The following IFIH1 variants were observed in gnomAD, a reference collection of about 807,000 sequenced individuals.
IFIH1 encodes interferon-induced helicase C domain-containing protein 1.
A neutral mutation model predicts 107.4 loss-of-function variants in IFIH1; 125 were observed. That is an observed-to-expected ratio of 1.16 (90% CI 1.01 to 1.35). The LOEUF is 1.35. Ranked by LOEUF, IFIH1 falls within the 40% of genes most tolerant of loss-of-function variation. The pLI is 0.00. For missense variants in IFIH1, 1,333 were observed against 1,213.7 expected (o/e 1.10, Z -1.46); for synonymous variants, 458 against 413.2 (o/e 1.11, Z -1.31).
At chr2:162,269,716 AG>A (rs1690997637) in intron 13 of IFIH1, among the ~76,000 whole-genome samples, 1 of 152,214 alleles carries the variant, frequency 6.6e-6, no homozygotes, top group Non-Finnish European at 1.5e-5. Flanking sequence ...TTTCAGTAAA[AG>A]TAAGTCATCA....
chr2:162,307,846 CACAATATAAATACTTT>C (rs1410190732), intron 2 of IFIH1, among the ~76,000 whole-genome samples: 1 of 152,110 alleles, frequency 6.6e-6, no homozygotes, highest in African/African-American at 2.4e-5. Flanking sequence ...ATTTTGCACT[CACAATATAAATACTTT>C]ACATACATTA....
At chr2:162,268,963 G>A (rs931119875) in intron 13 of IFIH1, among the ~76,000 whole-genome samples, 8 of 144,034 alleles carry the variant, frequency 5.6e-5, no homozygotes, top group Non-Finnish European at 8.8e-5. Context: ...ACTAAACACT[G>A]TTATTACATT....
At chr2:162,308,381 C>CTT (rs1009566916) in intron 2 of IFIH1, among the ~76,000 whole-genome samples, 26 of 141,754 alleles carry the variant, frequency 1.8e-4, no homozygotes, top group Non-Finnish European at 3.1e-4. Context: ...TTCATTTAAT[C>CTT]TTTTTTTTTT....
chr2:162,290,470 C>G (rs1682977765), intron 4 of IFIH1, among the ~76,000 whole-genome samples: 1 of 151,840 alleles, frequency 6.6e-6, no homozygotes, highest in Admixed American at 6.6e-5. Flanking sequence ...GTTAAAAGGA[C>G]TATTGTGTTT....
At chr2:162,306,312 T>A (rs1683279583) in intron 3 of IFIH1, among the ~76,000 whole-genome samples, 1 of 152,186 alleles carries the variant, frequency 6.6e-6, no homozygotes, top group Non-Finnish European at 1.5e-5. Context: ...TGAACCTCTC[T>A]GAGCCATCCC....
intron 3 of IFIH1, among the ~76,000 whole-genome samples, chr2:162,299,534 C>A (rs528718931): frequency 3.9e-5 from 6 of 152,198 alleles, no homozygotes; most frequent in African/African-American, 1.4e-4. Flanking sequence ...CAATTTCCAG[C>A]ATGATGTCCT....
rs1244444972 is a variant in IFIH1, at chr2:162,306,581, A to T, written c.769+128T>A. On this transcript the variant is annotated intron_variant, in intron 3 of 15. Coordinates refer to ENST00000649979, the MANE Select transcript of IFIH1 (RefSeq NM_022168.4). ...TTTTAATTTAATCTCCTCTAAAAAT[A>T]TTATTTTAATATAAATGTTTACTAA... The T allele has an allele frequency of 5.1e-6, 3 of 584,318 alleles. No homozygotes were observed. In the East Asian group the frequency reaches 9.0e-5, roughly 17 times the overall value. 36.2% of individuals were successfully genotyped at this position (584,318 alleles called of 1,614,324 possible). A position where few individuals can be genotyped will look rare whatever the true frequency, so the allele number is the denominator to read the frequency against.
At chr2:162,299,519 G>A (rs191852893) in intron 3 of IFIH1, among the ~76,000 whole-genome samples, 2 of 152,190 alleles carry the variant, frequency 1.3e-5, no homozygotes. Context: ...TATTCACACC[G>A]TGGCCAATTT....
At chr2:162,276,658 AAAG>A (rs1158378063) in intron 11 of IFIH1, 26 bp downstream of exon 11, 2 of 1,576,460 alleles carry the variant, frequency 1.3e-6, no homozygotes, top group African/African-American at 2.7e-5. Context: ...AAAGAAAAGA[AAAG>A]AAGTCGTCCA....
At chr2:162,292,925 A>T (rs1683021764) in intron 4 of IFIH1, among the ~76,000 whole-genome samples, 1 of 145,394 alleles carries the variant, frequency 6.9e-6, no homozygotes, top group South Asian at 2.1e-4. Context: ...TATCAGACTA[A>T]CAAATTGGAA....
At chr2:162,313,628 C>T (rs993740287) in intron 1 of IFIH1, among the ~76,000 whole-genome samples, 2 of 152,096 alleles carry the variant, frequency 1.3e-5, no homozygotes, top group Non-Finnish European at 2.9e-5. Context: ...TTATAATAAC[C>T]TTAGATAGCT....
intron 1 of IFIH1, among the ~76,000 whole-genome samples, chr2:162,314,432 CTTT>C (rs1314901388): frequency 2.3e-5 from 2 of 88,052 alleles, no homozygotes; most frequent in Non-Finnish European, 3.8e-5. Context: ...TTCTTTCTTT[CTTT>C]CTTTCTTTCT....
At chr2:162,284,436 G>A (rs1008970907) in intron 5 of IFIH1, among the ~76,000 whole-genome samples, 4 of 151,818 alleles carry the variant, frequency 2.6e-5, no homozygotes, top group Admixed American at 2.6e-4. Flanking sequence ...CCTATTATAG[G>A]GTTGTGAAAA....
intron 5 of IFIH1, among the ~76,000 whole-genome samples, chr2:162,287,360 A>G (rs543913319): frequency 6.6e-5 from 10 of 151,900 alleles, no homozygotes; most frequent in Non-Finnish European, 1.5e-4. Flanking sequence ...TTTTTATTCC[A>G]TAAAATAGTA....
rs1683530017 is a variant in IFIH1, at chr2:162,317,792, C to G, written c.453+63G>C. 2.9e-6 allele frequency: 4 copies of G among 1,374,732 alleles called. No individual in the cohort carries two copies. The South Asian group carries it at 5.6e-5, about 19-fold the overall frequency. 85.2% of individuals were successfully genotyped at this position (1,374,732 alleles called of 1,614,324 possible). On this transcript the variant is annotated intron_variant, in intron 1 of 15. Transcript: ENST00000649979. ...AAGCACATTTGGAAAGGGGCAAACG[C>G]ACAAGGAAGCCTGCTTTGCAAAATC... is the stretch of plus-strand genomic sequence containing the variant.
At chr2:162,281,686 A>G (rs753000296) in intron 6 of IFIH1, 141 bp from the exon 7 acceptor site, 20 of 604,248 alleles carry the variant, frequency 3.3e-5, no homozygotes, top group Non-Finnish European at 5.3e-5. Context: ...AGTTTTTAGG[A>G]GGGAAATCTA....
chr2:162,279,584 T>A (rs78842023), intron 8 of IFIH1, among the ~76,000 whole-genome samples: 2 of 152,202 alleles, frequency 1.3e-5, no homozygotes, highest in East Asian at 3.9e-4. Context: ...TAGATAGGAT[T>A]CCCATTATCA....
At chr2:162,294,929 T>TTA (rs1683059470) in intron 3 of IFIH1, among the ~76,000 whole-genome samples, 1 of 151,916 alleles carries the variant, frequency 6.6e-6, no homozygotes, top group Non-Finnish European at 1.5e-5. Context: ...TGAAAAGAGA[T>TTA]GATATACAAC....
At position 162,267,234 on chromosome 2, in the gene IFIH1, T is replaced by G. The variant is rs547782932; in HGVS notation, c.3044A>C (p.Tyr1015Ser). The change falls in exon 16 of 16, where the codon TAT becomes TCT. Residue 1015 changes from tyrosine (Y) to serine (S), a missense_variant. Coordinates refer to ENST00000649979, the MANE Select transcript of IFIH1 (RefSeq NM_022168.4). Reference protein sequence around the residue: ...ELPITFPNLDYSECCLFSDED With the variant: ...ELPITFPNLDSSECCLFSDED ...ATCACTAAATAAACAGCATTCTGAA[T>G]AGTCAAGATTGGGAAATGTGATAGG... 6.2e-7 allele frequency: 1 copy of G among 1,603,334 alleles called. No homozygotes were observed.
Sources: allele counts gnomAD v4.1 joint callset (sites outside exome capture counted in the v4.1 genomes callset), GRCh38; gene constraint gnomAD v4.1.1; transcripts MANE v1.5; gene names NCBI Gene and HGNC (gene_info 2026-07-23, HGNC 2026-07-21).